The following UBE2G1 variants were observed in gnomAD, a reference collection of about 807,000 sequenced individuals.
The protein encoded by UBE2G1 is ubiquitin-conjugating enzyme E2 G1.
A neutral mutation model predicts 22.7 loss-of-function variants in UBE2G1; 5 were observed. The ratio of observed to expected loss-of-function variants is 0.22; its 90% confidence interval spans 0.12 to 0.46. The LOEUF (loss-of-function observed/expected upper bound fraction) is 0.46, where lower values mean the gene tolerates loss of function less well. Ranked by LOEUF, UBE2G1 falls within the 20% of genes least tolerant of loss-of-function variation. The pLI, the probability that UBE2G1 is intolerant of heterozygous loss-of-function variation, is 0.99. For missense variants in UBE2G1, 88 were observed against 203.9 expected, an observed-to-expected ratio of 0.43 and a Z score of 3.46; for synonymous variants, 74 against 67.5, an observed-to-expected ratio of 1.10 and a Z score of -0.47.
chr17:4,340,522 G>GT (rs1567527427), intron 1 of UBE2G1, among the ~76,000 whole-genome samples: 1 of 152,084 alleles, frequency 6.6e-6, no homozygotes, highest in African/African-American at 2.4e-5. Context: ...TGCTGTTCTC[G>GT]TGATAGTGAG....
At chr17:4,330,733 A>G (rs1468475419) in intron 1 of UBE2G1, among the ~76,000 whole-genome samples, 3 of 151,948 alleles carry the variant, frequency 2.0e-5, no homozygotes, top group Non-Finnish European at 4.4e-5. Flanking sequence ...GTGAAACTCC[A>G]TCTCAAATAA....
At chr17:4,292,423 A>G (rs548241572) in intron 3 of UBE2G1, among the ~76,000 whole-genome samples, 2 of 152,140 alleles carry the variant, frequency 1.3e-5, no homozygotes, top group Non-Finnish European at 2.9e-5. Flanking sequence ...CATGCACCTA[A>G]AATTCTGAAA....
intron 3 of UBE2G1, among the ~76,000 whole-genome samples, chr17:4,292,319 A>G (rs1335092623): frequency 6.6e-6 from 1 of 150,900 alleles, no homozygotes; most frequent in Non-Finnish European, 1.5e-5. Flanking sequence ...TGTCTCAAAA[A>G]AAAAAAAAAA....
intron 4 of UBE2G1, among the ~76,000 whole-genome samples, chr17:4,285,514 A>G (rs1437776437): frequency 6.6e-6 from 1 of 152,232 alleles, no homozygotes. Context: ...ACCCTAAAAC[A>G]TTACTCTAGG....
In UBE2G1 at chr17:4,270,559, A is replaced by AAG. The variant is rs1249764644; in HGVS notation, c.*1994_*1995insCT. Reference sequence around the variant, plus strand: ...AGAGACCCAGTTTCTTAAAAAAAAAAAAAAAAAAGTAAAAAGGATTGTATT... The same window carrying AAG: ...AGAGACCCAGTTTCTTAAAAAAAAAAAGAAAAAAAAGTAAAAAGGATTGTATT... On this transcript the variant is annotated 3_prime_UTR_variant, in exon 6 of 6. Coordinates refer to ENST00000396981, the MANE Select transcript of UBE2G1 (RefSeq NM_003342.5). 2 of 151,570 alleles carry AAG rather than the reference A, an allele frequency of 1.3e-5. No homozygotes were observed. The highest frequency in any genetic ancestry group is 2.9e-5 in the Non-Finnish European group (2 of 67,942). The allele number at this position is 151,570 out of a possible 1,614,324, so 9.4% of individuals were successfully genotyped here. A position where few individuals can be genotyped will look rare whatever the true frequency, so the allele number is the denominator to read the frequency against.
intron 1 of UBE2G1, among the ~76,000 whole-genome samples, chr17:4,360,638 G>A (rs897949263): frequency 6.6e-6 from 1 of 152,216 alleles, no homozygotes; most frequent in Non-Finnish European, 1.5e-5. Flanking sequence ...CTGGCCCGGC[G>A]CAGTGGCTCA....
Position 4,296,794 on chromosome 17 carries a change from G to A in UBE2G1, c.170C>T (p.Ala57Val). The A allele has an allele frequency of 6.2e-7, 1 of 1,613,814 alleles. No homozygotes were observed. The highest frequency in any genetic ancestry group is 1.1e-5 in the South Asian group (1 of 91,076). Residue 57 changes from alanine to valine, a missense_variant, in exon 3 of 6, where the codon GCT (alanine) becomes GTT (valine). Ala to Val is a moderately conservative substitution (Grantham distance 64). This residue lies in a region of UBE2G1 where 50 missense variants were observed against 71.0 expected (regional missense o/e 0.70). Transcript: ENST00000396981. Reference protein sequence around the residue: ...DTLYEGGVFKAHLTFPKDYPL... With the variant: ...DTLYEGGVFKVHLTFPKDYPL... ...ATAATCTTTTGGGAAAGTAAGATGAGCCTTAAAAACACCACCTTCACTGGA... is the reference window on the plus strand; with the variant it reads ...ATAATCTTTTGGGAAAGTAAGATGAACCTTAAAAACACCACCTTCACTGGA...
At chr17:4,318,791 G>A (rs1212415230) in intron 1 of UBE2G1, among the ~76,000 whole-genome samples, 2 of 152,174 alleles carry the variant, frequency 1.3e-5, no homozygotes, top group Admixed American at 6.5e-5. Flanking sequence ...GCAGTGAGTC[G>A]TAAGCATGCT....
At chr17:4,352,374 C>T (rs572524710) in intron 1 of UBE2G1, among the ~76,000 whole-genome samples, 3 of 152,078 alleles carry the variant, frequency 2.0e-5, no homozygotes, top group Non-Finnish European at 4.4e-5. Flanking sequence ...GGATTACAGG[C>T]GTGAGCCACT....
At chr17:4,290,978 G>GTA (rs1969030746) in intron 3 of UBE2G1, among the ~76,000 whole-genome samples, 3 of 152,118 alleles carry the variant, frequency 2.0e-5, no homozygotes. Flanking sequence ...AATGTTTTAT[G>GTA]TATGAGGTTT....
At chr17:4,323,110 A>T (rs953218627) in intron 1 of UBE2G1, among the ~76,000 whole-genome samples, 1 of 152,256 alleles carries the variant, frequency 6.6e-6, no homozygotes, top group Non-Finnish European at 1.5e-5. Context: ...CTATTAATAA[A>T]GGAGAAATAT....
chr17:4,325,170 G>A (rs952677739), intron 1 of UBE2G1, among the ~76,000 whole-genome samples: 1 of 152,060 alleles, frequency 6.6e-6, no homozygotes, highest in Non-Finnish European at 1.5e-5. Flanking sequence ...GATTCTTAGG[G>A]CCATCAAAGT....
intron 2 of UBE2G1, among the ~76,000 whole-genome samples, chr17:4,305,616 A>T (rs1969241142): frequency 6.6e-6 from 1 of 152,216 alleles, no homozygotes; most frequent in African/African-American, 2.4e-5. Context: ...ATTTTGGCTC[A>T]CTGCAACCTC....
Position 4,366,612 on chromosome 17 carries a change from C to T in UBE2G1, c.-296G>A, listed in dbSNP as rs991033175. On this transcript the variant is annotated 5_prime_UTR_variant, in exon 1 of 6. Transcript: ENST00000396981. The stretch of plus-strand genomic sequence containing the variant: ...CCTTCAACCCGCCCGTCGGCCCCAC[C>T]GGTGCCTTCCCCCGCCACTGCCTCA... The T allele has an allele frequency of 1.6e-5, 5 of 322,014 alleles. No homozygotes were observed. Among genetic ancestry groups the T allele is most frequent in the African/African-American group, 6.5e-5 (3 of 46,108 alleles). 19.9% of individuals were successfully genotyped at this position (322,014 alleles called of 1,614,324 possible).
chr17:4,303,258 C>T (rs185508724), intron 2 of UBE2G1, among the ~76,000 whole-genome samples: 1 of 152,272 alleles, frequency 6.6e-6, no homozygotes, highest in Middle Eastern at 3.4e-3. Context: ...CCCCTAATCT[C>T]TTAGGGACAC....
At chr17:4,364,286 T>A (rs890015826) in intron 1 of UBE2G1, 22 of 113,834 alleles carry the variant, frequency 1.9e-4, no homozygotes, top group Middle Eastern at 4.8e-3. Context: ...AAAAATGCAA[T>A]AAAGTTCTTT....
At chr17:4,312,015 G>A (rs1158215835) in intron 1 of UBE2G1, among the ~76,000 whole-genome samples, 2 of 100,988 alleles carry the variant, frequency 2.0e-5, no homozygotes, top group Admixed American at 1.2e-4. Context: ...GGGATGCCAA[G>A]GCGGGTGGAT....
intron 5 of UBE2G1, among the ~76,000 whole-genome samples, chr17:4,276,405 G>A (rs1300384810): frequency 5.3e-5 from 8 of 151,790 alleles, no homozygotes; most frequent in African/African-American, 1.7e-4. Flanking sequence ...CCCACCCACC[G>A]ATCTTCGCCT....
intron 2 of UBE2G1, among the ~76,000 whole-genome samples, chr17:4,300,914 C>G (rs961114870): frequency 6.9e-6 from 1 of 145,734 alleles, no homozygotes; most frequent in African/African-American, 2.6e-5. Flanking sequence ...CAGTGAGCAA[C>G]AGAGTCAGAC....
Sources: allele counts gnomAD v4.1 joint callset (sites outside exome capture counted in the v4.1 genomes callset), GRCh38; gene constraint gnomAD v4.1.1; regional missense constraint gnomAD v4.1.1; transcripts MANE v1.5; gene names NCBI Gene and HGNC (gene_info 2026-07-23, HGNC 2026-07-21).